The following SSBP3 variants were observed in gnomAD, a reference collection of about 807,000 sequenced individuals.
SSBP3 encodes single-stranded DNA-binding protein 3.
A neutral mutation model predicts 69.6 loss-of-function variants in SSBP3; 5 were observed. That is an observed-to-expected ratio of 0.07 (90% CI 0.04 to 0.15). The LOEUF (loss-of-function observed/expected upper bound fraction) is 0.15, where lower values mean the gene tolerates loss of function less well. SSBP3 is among the 10% of genes least tolerant of loss of function. The pLI is 1.00. For missense variants in SSBP3, 312 were observed against 534.0 expected, an observed-to-expected ratio of 0.58 and a Z score of 4.10; for synonymous variants, 196 against 193.4, an observed-to-expected ratio of 1.01 and a Z score of -0.11.
At chr1:54,392,762 T>A (rs1648588333) in intron 4 of SSBP3, among the ~76,000 whole-genome samples, 1 of 152,056 alleles carries the variant, frequency 6.6e-6, no homozygotes, top group Non-Finnish European at 1.5e-5. Context: ...AGGAATGGGG[T>A]GGCAGAAAGG....
intron 6 of SSBP3, among the ~76,000 whole-genome samples, chr1:54,257,538 TACGTA>T (rs1193696808): frequency 6.6e-6 from 1 of 151,994 alleles, no homozygotes; most frequent in Non-Finnish European, 1.5e-5. Flanking sequence ...GAAGGACTGA[TACGTA>T]ACATCTTAAG....
intron 4 of SSBP3, among the ~76,000 whole-genome samples, chr1:54,322,403 C>A (rs1646229487): frequency 6.6e-6 from 1 of 152,126 alleles, no homozygotes; most frequent in Non-Finnish European, 1.5e-5. Flanking sequence ...CAATGGCTAG[C>A]CTTCTCTGAT....
intron 4 of SSBP3, among the ~76,000 whole-genome samples, chr1:54,328,675 C>T (rs909449846): frequency 6.6e-6 from 1 of 152,242 alleles, no homozygotes; most frequent in Admixed American, 6.5e-5. Context: ...GAAGCAGCTA[C>T]AGCCATGTTG....
chr1:54,269,881 CAGA>C (rs1335832498), intron 5 of SSBP3, among the ~76,000 whole-genome samples: 1 of 152,218 alleles, frequency 6.6e-6, no homozygotes, highest in Non-Finnish European at 1.5e-5. Flanking sequence ...GAGCACCTGA[CAGA>C]GGAGAATGAG....
At chr1:54,359,751 C>T (rs954505861) in intron 4 of SSBP3, among the ~76,000 whole-genome samples, 4 of 152,148 alleles carry the variant, frequency 2.6e-5, no homozygotes, top group African/African-American at 2.4e-5. Context: ...TCAGAAAATA[C>T]GTTTCAGAGA....
At chr1:54,289,758 T>C (rs542805458) in intron 4 of SSBP3, among the ~76,000 whole-genome samples, 1 of 152,078 alleles carries the variant, frequency 6.6e-6, no homozygotes, top group Admixed American at 6.5e-5. Context: ...CTGACAGCCT[T>C]TCCTTAGAGA....
chr1:54,225,596 C>A, exon 18 of SSBP3: 2 of 425,234 alleles, frequency 4.7e-6, no homozygotes, highest in Non-Finnish European at 7.6e-6. Flanking sequence ...CGCACAAAGT[C>A]TTTTTTCAGG....
intron 4 of SSBP3, among the ~76,000 whole-genome samples, chr1:54,369,942 C>T (rs577447059): frequency 5.3e-5 from 8 of 152,146 alleles, no homozygotes; most frequent in Non-Finnish European, 1.0e-4. Context: ...ATATGAAAAA[C>T]CATCCTTGCA....
chr1:54,258,062 C>T lies in SSBP3; in HGVS notation c.447+7G>A, dbSNP rs774991939. 4.9e-5 allele frequency: 78 copies of T among 1,583,566 alleles called. No individual in the cohort carries two copies. The highest frequency in any genetic ancestry group is 3.4e-4 in the South Asian group (29 of 86,238). On this transcript the variant is annotated splice_region_variant and intron_variant, in intron 6 of 17. Transcript: ENST00000610401. The surrounding 1 kb of genome is among the most constrained non-coding windows in gnomAD (Gnocchi z 4.5). ...CCCGGCGGGCGGGAGCGCCACGGTGCGTTTACCTGACTGTGGGGTCCCATC... is the reference window on the plus strand; with the variant it reads ...CCCGGCGGGCGGGAGCGCCACGGTGTGTTTACCTGACTGTGGGGTCCCATC...
chr1:54,396,839 G>T (rs1187829186), intron 4 of SSBP3, among the ~76,000 whole-genome samples: 3 of 152,170 alleles, frequency 2.0e-5, no homozygotes, highest in African/African-American at 7.2e-5. Context: ...GAAATAAAGG[G>T]CAAGGATTTG....
chr1:54,357,563 C>T (rs952253348), intron 4 of SSBP3, among the ~76,000 whole-genome samples: 4 of 152,206 alleles, frequency 2.6e-5, no homozygotes, highest in African/African-American at 9.7e-5. Flanking sequence ...TCTCCCCCAT[C>T]CACAGGGGAC....
chr1:54,405,366 TC>T, intron 1 of SSBP3: 1 of 177,734 alleles, frequency 5.6e-6, no homozygotes, highest in Non-Finnish European at 1.2e-5. Flanking sequence ...CCTCGTCACC[TC>T]CCCCCAAACA....
intron 5 of SSBP3, among the ~76,000 whole-genome samples, chr1:54,262,115 G>A (rs541124166): frequency 6.6e-6 from 1 of 152,180 alleles, no homozygotes. Context: ...TCCTGGCTCT[G>A]CCCCTGACTG....
intron 2 of SSBP3, 62 bp downstream of exon 2, chr1:54,404,796 C>T: frequency 8.8e-7 from 1 of 1,138,600 alleles, no homozygotes; most frequent in Non-Finnish European, 1.3e-6. Context: ...AAAACAAAGG[C>T]TCTAAGAATA....
chr1:54,293,270 G>A (rs535747885), intron 4 of SSBP3, among the ~76,000 whole-genome samples: 3 of 152,094 alleles, frequency 2.0e-5, no homozygotes, highest in Non-Finnish European at 2.9e-5. Context: ...TTAGGATCCC[G>A]GTGAGAGATC....
At chr1:54,370,858 A>G (rs1415533284) in intron 4 of SSBP3, among the ~76,000 whole-genome samples, 1 of 151,926 alleles carries the variant, frequency 6.6e-6, no homozygotes, top group Non-Finnish European at 1.5e-5. Context: ...GCTCAGCTCA[A>G]TTTTAGACTT....
At chr1:54,344,634 A>G (rs1400462265) in intron 4 of SSBP3, among the ~76,000 whole-genome samples, 3 of 152,182 alleles carry the variant, frequency 2.0e-5, no homozygotes, top group African/African-American at 7.2e-5. Flanking sequence ...TAAAGAGAGG[A>G]AAGAATTGGG....
At chr1:54,242,115 C>T (rs771383699) in intron 11 of SSBP3, 49 bp downstream of exon 11, 4 of 1,607,338 alleles carry the variant, frequency 2.5e-6, no homozygotes, top group East Asian at 2.2e-5. Context: ...CCCCTGCACC[C>T]AGAACCGCTC....
intron 1 of SSBP3, chr1:54,412,737 C>T (rs1650024342): frequency 6.6e-6 from 1 of 151,912 alleles, no homozygotes; most frequent in African/African-American, 2.4e-5. Flanking sequence ...TTTTTTGAGA[C>T]AGAGTCTTGC....
Sources: allele counts gnomAD v4.1 joint callset (sites outside exome capture counted in the v4.1 genomes callset), GRCh38; gene constraint gnomAD v4.1.1; non-coding constraint Gnocchi (gnomAD v3.1); transcripts MANE v1.5; gene names NCBI Gene and HGNC (gene_info 2026-07-23, HGNC 2026-07-21).